The following SDK1 variants were observed in gnomAD, a reference collection of about 807,000 sequenced individuals.
The protein encoded by SDK1 is sidekick cell adhesion molecule 1.
Under a neutral mutation model 245.5 loss-of-function variants are expected in SDK1, and 157 were observed. That is an observed-to-expected ratio of 0.64 (90% CI 0.56 to 0.73). The LOEUF (loss-of-function observed/expected upper bound fraction) is 0.73, where lower values mean the gene tolerates loss of function less well. Among genes scored for constraint, SDK1 ranks in the 30% least tolerant of loss-of-function variants. The pLI, the probability that SDK1 is intolerant of heterozygous loss-of-function variation, is 0.00. For missense variants in SDK1, 3,583 were observed against 3,002.3 expected, an observed-to-expected ratio of 1.19 and a Z score of -4.52; for synonymous variants, 1,647 against 1,278.5, an observed-to-expected ratio of 1.29 and a Z score of -6.15.
chr7:3,935,606 C>CTGG (rs757289255), intron 5 of SDK1, among the ~76,000 whole-genome samples: 1 of 152,162 alleles, frequency 6.6e-6, no homozygotes, highest in Non-Finnish European at 1.5e-5. Flanking sequence ...ATACAAATGA[C>CTGG]TGGTAAGCAC....
At chr7:3,600,731 G>A (rs1023737385) in intron 1 of SDK1, among the ~76,000 whole-genome samples, 1 of 151,824 alleles carries the variant, frequency 6.6e-6, no homozygotes, top group African/African-American at 2.4e-5. Context: ...TGTATTTTTA[G>A]TAGAGACAGG....
intron 1 of SDK1, among the ~76,000 whole-genome samples, chr7:3,486,395 T>C (rs1414253621): frequency 1.3e-5 from 2 of 152,106 alleles, no homozygotes; most frequent in Non-Finnish European, 2.9e-5. Context: ...TATTTTTGTT[T>C]GGTTTTCTAA....
In SDK1 at chr7:3,573,438, T is replaced by C. The variant is rs1189793524; in HGVS notation, c.299-45642T>C. On this transcript the variant is annotated intron_variant, in intron 1 of 44. Transcript: ENST00000404826. Reference sequence around the variant, plus strand: ...CAGCAGAAAACTGGATGGATCTGTTTGTTCAAGGGCCCAGGGAAGACAGGC... The same window carrying C: ...CAGCAGAAAACTGGATGGATCTGTTCGTTCAAGGGCCCAGGGAAGACAGGC... Among the ~76,000 whole-genome samples, 6 of 151,476 alleles carry C rather than the reference T, an allele frequency of 4.0e-5. No individual in the cohort carries two copies. In the Admixed American group the frequency reaches 4.0e-4, roughly 10 times the overall value.
Position 3,619,148 on chromosome 7 carries a change from G to T in SDK1, c.367G>T (p.Val123Phe), listed in dbSNP as rs1308464964. Residue 123 changes from valine to phenylalanine, a missense_variant, in exon 2 of 45, where the codon GTT becomes TTT. Val to Phe is a conservative substitution (Grantham distance 50). Transcript: ENST00000404826. ...GATCCACCTGGAAGGGAACCGCCTT[G>T]TTCTCACCTGCCTTGCCGAAGGGAG... ...PQIHLEGNRL[V>F]LTCLAEGSWP... The T allele has an allele frequency of 6.2e-7, 1 of 1,614,070 alleles. No homozygotes were observed. Among genetic ancestry groups the T allele is most frequent in the Non-Finnish European group, 8.5e-7 (1 of 1,179,938 alleles).
At chr7:4,045,377 G>A (rs549529114) in intron 17 of SDK1, among the ~76,000 whole-genome samples, 13 of 151,952 alleles carry the variant, frequency 8.6e-5, no homozygotes, top group Non-Finnish European at 1.8e-4. Flanking sequence ...CAAGTAGCTG[G>A]GACTATAGGT....
At chr7:3,336,621 G>C (rs183037097) in intron 1 of SDK1, among the ~76,000 whole-genome samples, 2 of 151,200 alleles carry the variant, frequency 1.3e-5, no homozygotes, top group Admixed American at 1.3e-4. Context: ...CCCCTCCTTT[G>C]GTATAAATAG....
chr7:3,588,078 A>G (rs1407607262), intron 1 of SDK1, among the ~76,000 whole-genome samples: 3 of 152,192 alleles, frequency 2.0e-5, no homozygotes, highest in Admixed American at 6.5e-5. Flanking sequence ...TCCTAGGTCA[A>G]TCTTTGGTGG....
chr7:4,238,848 G>A lies in SDK1; in HGVS notation c.6130+1064G>A, dbSNP rs1383093470. On this transcript the variant is annotated intron_variant, in intron 42 of 44. Transcript: ENST00000404826. ...CAGGTGTGAGCCACCGCGCCCTGCC[G>A]AGATCCTGTCTCTTACAAAAAAAAA... Among the ~76,000 whole-genome samples the A allele has an allele frequency of 4.6e-5, 7 of 151,974 alleles. 1 individual carries two copies. Among genetic ancestry groups the A allele is most frequent in the South Asian group, 2.1e-4 (1 of 4,806 alleles).
At position 3,784,210 on chromosome 7, in the gene SDK1, G is replaced by A. The variant is rs144189905; in HGVS notation, c.714-37240G>A. 1.3e-4 allele frequency among the ~76,000 whole-genome samples: 19 copies of A among 151,424 alleles called. No individual in the cohort carries two copies. In the East Asian group the frequency reaches 3.7e-3, roughly 29 times the overall value. ...TTGGTATTACAGGCATGACCCCCAT[G>A]CCTGGCCTATTCAACTGATTTTCAA... On this transcript the variant is annotated intron_variant, in intron 4 of 44. Coordinates refer to ENST00000404826, the MANE Select transcript of SDK1 (RefSeq NM_152744.4).
intron 35 of SDK1, among the ~76,000 whole-genome samples, chr7:4,184,649 AG>A (rs1219173656): frequency 1.3e-5 from 2 of 152,256 alleles, no homozygotes; most frequent in African/African-American, 2.4e-5. Flanking sequence ...TCAGAGAGGA[AG>A]GATAATTTTT....
chr7:3,998,863 G>T (rs1281455584), intron 14 of SDK1, among the ~76,000 whole-genome samples: 2 of 152,158 alleles, frequency 1.3e-5, no homozygotes, highest in African/African-American at 4.8e-5. Context: ...GTGAATGTGG[G>T]AGCTTCCTTT....
intron 14 of SDK1, among the ~76,000 whole-genome samples, chr7:4,005,554 G>A (rs368550589): frequency 3.3e-5 from 5 of 151,996 alleles, no homozygotes; most frequent in Non-Finnish European, 5.9e-5. Context: ...GCCGCCACCT[G>A]TGAAATTCAG....
intron 4 of SDK1, among the ~76,000 whole-genome samples, chr7:3,688,450 G>T (rs1418669758): frequency 6.6e-6 from 1 of 152,228 alleles, no homozygotes; most frequent in African/African-American, 2.4e-5. Context: ...TATACTGAAG[G>T]AGTGTTATAA....
chr7:3,399,953 C>G (rs1322146852), intron 1 of SDK1, among the ~76,000 whole-genome samples: 1 of 152,084 alleles, frequency 6.6e-6, no homozygotes, highest in Non-Finnish European at 1.5e-5. Context: ...TTGTTTTTGA[C>G]AAATGCCCTA....
intron 1 of SDK1, among the ~76,000 whole-genome samples, chr7:3,571,690 C>T (rs545334804): frequency 1.3e-5 from 2 of 152,120 alleles, no homozygotes; most frequent in East Asian, 3.9e-4. Context: ...GATCTAAAAC[C>T]TTTTTGAAGT....
intron 1 of SDK1, among the ~76,000 whole-genome samples, chr7:3,333,698 T>C (rs1780127248): frequency 6.6e-6 from 1 of 152,204 alleles, no homozygotes; most frequent in African/African-American, 2.4e-5. Context: ...CTGGATAAAT[T>C]AGAACAACTT....
chr7:3,485,021 C>T (rs1781639686), intron 1 of SDK1, among the ~76,000 whole-genome samples: 1 of 152,112 alleles, frequency 6.6e-6, no homozygotes, highest in South Asian at 2.1e-4. Flanking sequence ...ATATACCCAG[C>T]AGCGGAATTG....
rs117002125 is a variant in SDK1, at chr7:4,086,703, T to A, written c.3324+7119T>A. On this transcript the variant is annotated intron_variant, in intron 22 of 44. Coordinates refer to ENST00000404826, the MANE Select transcript of SDK1 (RefSeq NM_152744.4). Reference sequence around the variant, plus strand: ...GACTCCTGATTACCTTGTATTCACCTGGATAACCTCCCTGATGTAAGGTTC... The same window carrying A: ...GACTCCTGATTACCTTGTATTCACCAGGATAACCTCCCTGATGTAAGGTTC... Among the ~76,000 whole-genome samples, 45 of 152,264 alleles carry A rather than the reference T, an allele frequency of 3.0e-4. No homozygotes were observed. The East Asian group carries it at 8.5e-3, about 29-fold the overall frequency.
Position 4,178,596 on chromosome 7 carries a change from G to T in SDK1, c.5098+10G>T. ...TTTGTCGGCGAGGCTGGTAAGCTCC[G>T]TGCACCCCCAACCCCACTGCCAGAG... On this transcript the variant is annotated intron_variant, in intron 35 of 44. Coordinates refer to ENST00000404826, the MANE Select transcript of SDK1 (RefSeq NM_152744.4). 6.3e-7 allele frequency: 1 copy of T among 1,597,610 alleles called. No homozygotes were observed. The highest frequency in any genetic ancestry group is 1.1e-5 in the South Asian group (1 of 90,814).
Sources: allele counts gnomAD v4.1 joint callset (sites outside exome capture counted in the v4.1 genomes callset), GRCh38; gene constraint gnomAD v4.1.1; transcripts MANE v1.5; gene names NCBI Gene and HGNC (gene_info 2026-07-23, HGNC 2026-07-21).